GAREM1: variants seen among roughly 807,000 people sequenced by gnomAD.
The protein encoded by GAREM1 is GRB2-associated and regulator of MAPK protein 1.
A neutral mutation model predicts 71.3 loss-of-function variants in GAREM1; 26 were observed. That is an observed-to-expected ratio of 0.36 (90% CI 0.27 to 0.51). The LOEUF (loss-of-function observed/expected upper bound fraction) is 0.51, where lower values mean the gene tolerates loss of function less well. GAREM1 is among the 20% of genes least tolerant of loss of function. The probability of loss-of-function intolerance (pLI) is 0.95; values close to 1 mark genes in which losing one functional copy is unlikely to be tolerated. For synonymous variants in GAREM1, 440 were observed against 433.2 expected, an observed-to-expected ratio of 1.02 and a Z score of -0.20; for missense variants, 1,026 against 1,103.1, an observed-to-expected ratio of 0.93 and a Z score of 0.99.
intron 2 of GAREM1, among the ~76,000 whole-genome samples, chr18:32,351,941 T>C (rs2047757357): frequency 1.3e-5 from 2 of 152,182 alleles, no homozygotes; most frequent in Admixed American, 6.5e-5. Flanking sequence ...AGGAATTACA[T>C]GAATCTGAAA....
chr18:32,311,425 C>A (rs1429658382), intron 2 of GAREM1, among the ~76,000 whole-genome samples: 1 of 152,186 alleles, frequency 6.6e-6, no homozygotes, highest in Non-Finnish European at 1.5e-5. Context: ...GGAATTAACA[C>A]AAATCTCTGT....
intron 2 of GAREM1, among the ~76,000 whole-genome samples, chr18:32,312,515 G>A (rs754646116): frequency 2.6e-5 from 4 of 152,172 alleles, no homozygotes; most frequent in Non-Finnish European, 5.9e-5. Flanking sequence ...TAAAAGCTTG[G>A]CAGAACTGGA....
rs1428512278 is a variant in GAREM1 at position 32,334,137 on chromosome 18, G to A, written c.263-23814C>T. ...AGAAACCCACACAAACTGTAACCCA[G>A]CCAGATACTTCAATTCCCAATCTAA... On this transcript the variant is annotated intron_variant, in intron 2 of 5. Coordinates refer to ENST00000269209, the MANE Select transcript of GAREM1 (RefSeq NM_001242409.2). Among the ~76,000 whole-genome samples the A allele has an allele frequency of 2.6e-5, 4 of 152,134 alleles. No individual in the cohort carries two copies. The East Asian group carries it at 7.7e-4, about 29-fold the overall frequency.
At chr18:32,378,590 A>G (rs2048063681) in intron 2 of GAREM1, among the ~76,000 whole-genome samples, 2 of 151,920 alleles carry the variant, frequency 1.3e-5, no homozygotes, top group Admixed American at 6.5e-5. Context: ...ATGATGCTCC[A>G]ATGGGAGGGA....
chr18:32,398,354 C>T (rs1305805424), intron 1 of GAREM1, among the ~76,000 whole-genome samples: 1 of 151,896 alleles, frequency 6.6e-6, no homozygotes, highest in African/African-American at 2.4e-5. Context: ...AAGAACCCTT[C>T]AAAAAAATCA....
At chr18:32,446,802 T>A (rs987909971) in intron 1 of GAREM1, among the ~76,000 whole-genome samples, 1 of 152,186 alleles carries the variant, frequency 6.6e-6, no homozygotes, top group African/African-American at 2.4e-5. Context: ...GCAATTCCTA[T>A]AATTATTCTA....
rs137883162 is a variant in GAREM1, at chr18:32,371,415, A to T, written c.262+21480T>A. ...AACTGGAGGCAGTTAAAAGGCCCCT[A>T]TAAGTGAAAAATGAAAAGAGTTTGT... On this transcript the variant is annotated intron_variant, in intron 2 of 5. Transcript: ENST00000269209. Among the ~76,000 whole-genome samples the T allele has an allele frequency of 3.0e-3, 451 of 152,354 alleles. 2 individuals carry two copies. Among genetic ancestry groups the T allele is most frequent in the Non-Finnish European group, 5.6e-3 (384 of 68,026 alleles).
intron 1 of GAREM1, 108 bp from the exon 2 acceptor site, chr18:32,393,143 G>T: frequency 1.4e-5 from 13 of 961,012 alleles, no homozygotes; most frequent in South Asian, 6.6e-5. Flanking sequence ...GAAGTTGACA[G>T]TTCATCCCAA....
chr18:32,285,458 C>T (rs994429860), intron 4 of GAREM1, among the ~76,000 whole-genome samples: 1 of 152,226 alleles, frequency 6.6e-6, no homozygotes. Context: ...TCAACTGCCC[C>T]ACAGAACTTC....
At chr18:32,352,907 T>C (rs983717457) in intron 2 of GAREM1, among the ~76,000 whole-genome samples, 1 of 152,154 alleles carries the variant, frequency 6.6e-6, no homozygotes, top group African/African-American at 2.4e-5. Context: ...CTAGAACTAG[T>C]ACTAATATGG....
chr18:32,336,617 G>A (rs1343614523), intron 2 of GAREM1, among the ~76,000 whole-genome samples: 1 of 152,094 alleles, frequency 6.6e-6, no homozygotes. Context: ...TACAATTATT[G>A]AAGTCTGCAT....
At chr18:32,442,753 T>TTTC (rs1000173807) in intron 1 of GAREM1, among the ~76,000 whole-genome samples, 2 of 152,144 alleles carry the variant, frequency 1.3e-5, no homozygotes, top group Non-Finnish European at 2.9e-5. Context: ...AAGAGGCTGA[T>TTTC]GGGAAGAGAG....
chr18:32,464,429 G>A (rs1408907050), intron 1 of GAREM1, among the ~76,000 whole-genome samples: 1 of 152,184 alleles, frequency 6.6e-6, no homozygotes, highest in African/African-American at 2.4e-5. Flanking sequence ...TGAGGCCAGA[G>A]GATCATCTGA....
Position 32,287,788 on chromosome 18 carries a change from C to A in GAREM1, c.809G>T (p.Arg270Leu). The A allele has an allele frequency of 6.2e-7, 1 of 1,613,170 alleles. No homozygotes were observed. The highest frequency in any genetic ancestry group is 8.5e-7 in the Non-Finnish European group (1 of 1,179,922). Reference sequence around the variant, plus strand: ...GGTCTGGATGTTCACAAACTTATAGCGGTGCCCCTCACGGATGAAGTGGAG... The same window carrying A: ...GGTCTGGATGTTCACAAACTTATAGAGGTGCCCCTCACGGATGAAGTGGAG... ...YDLHFIREGH[R>L]YKFVNIQTKT... Residue 270 changes from arginine to leucine, a missense_variant, in exon 4 of 6, where the codon CGC becomes CTC. This residue lies in a region of GAREM1 where 218 missense variants were observed against 296.8 expected (regional missense o/e 0.73). Transcript: ENST00000269209. This position sits in a 1 kb window ranked among gnomAD's most constrained non-coding sequence, Gnocchi z 5.9.
intron 2 of GAREM1, among the ~76,000 whole-genome samples, chr18:32,310,849 T>C (rs1056577661): frequency 1.3e-5 from 2 of 152,036 alleles, no homozygotes; most frequent in African/African-American, 4.8e-5. Flanking sequence ...GTTAGAACAA[T>C]ATGCAGGTAA....
chr18:32,463,227 TAA>T (rs1185051775), intron 1 of GAREM1, among the ~76,000 whole-genome samples: 1 of 152,218 alleles, frequency 6.6e-6, no homozygotes, highest in Non-Finnish European at 1.5e-5. Context: ...AATTAAAAAT[TAA>T]AAAGTTATAC....
At chr18:32,361,151 G>A (rs185905563) in intron 2 of GAREM1, among the ~76,000 whole-genome samples, 93 of 152,222 alleles carry the variant, frequency 6.1e-4, no homozygotes, top group African/African-American at 1.9e-3. Context: ...CATCACTGTC[G>A]TTGCCTACAT....
At chr18:32,355,180 T>C (rs1485682976) in intron 2 of GAREM1, among the ~76,000 whole-genome samples, 5 of 152,194 alleles carry the variant, frequency 3.3e-5, no homozygotes, top group Non-Finnish European at 5.9e-5. Context: ...GTGATCATTA[T>C]AGATATTGAA....
intron 1 of GAREM1, among the ~76,000 whole-genome samples, chr18:32,409,511 G>A (rs139822637): frequency 2.0e-5 from 3 of 152,136 alleles, no homozygotes; most frequent in African/African-American, 7.2e-5. Context: ...AGCAATATGT[G>A]GTAATGAAGT....
Sources: gnomAD v4.1 joint callset for allele counts (sites outside exome capture counted in the v4.1 genomes callset) on GRCh38, gnomAD v4.1.1 for gene constraint, gnomAD v4.1.1 regional missense constraint, Gnocchi (gnomAD v3.1) non-coding constraint, MANE v1.5 for transcripts, NCBI Gene and HGNC (gene_info 2026-07-23, HGNC 2026-07-21) for gene names.